PCDHA9: variants seen among roughly 807,000 people sequenced by gnomAD.
PCDHA9 encodes protocadherin alpha-9.
In PCDHA9, 62 loss-of-function variants were observed where a neutral mutation model predicts 62.0. That is an observed-to-expected ratio of 1.00 (90% CI 0.81 to 1.23). The LOEUF (loss-of-function observed/expected upper bound fraction) is 1.23, where lower values mean the gene tolerates loss of function less well. Ranked by LOEUF, PCDHA9 falls within the 50% of genes most tolerant of loss-of-function variation. The pLI is 0.00. For synonymous variants in PCDHA9, 557 were observed against 567.6 expected (o/e 0.98, Z 0.27); for missense variants, 1,205 against 1,249.8 (o/e 0.96, Z 0.54).
intron 1 of PCDHA9, chr5:140,857,354 G>T (rs1449369579): frequency 6.3e-7 from 1 of 1,598,378 alleles, no homozygotes. Context: ...TCCGCTGTGG[G>T]CCACGGCCAG....
chr5:140,982,678 C>T (rs781968397), intron 3 of PCDHA9, 115 bp downstream of exon 3: 29 of 1,438,778 alleles, frequency 2.0e-5, no homozygotes, highest in Non-Finnish European at 2.6e-5. Context: ...TTTGTTATTC[C>T]CTTTTTTCCA....
At chr5:140,974,009 A>C (rs1554235749) in intron 1 of PCDHA9, among the ~76,000 whole-genome samples, 2 of 152,236 alleles carry the variant, frequency 1.3e-5, no homozygotes, top group African/African-American at 4.8e-5. Flanking sequence ...TGTTTTGTGC[A>C]TGTGATAATA....
chr5:140,945,614 A>G lies in PCDHA9; in HGVS notation c.2395-33335A>G, dbSNP rs2093816394. Among the ~76,000 whole-genome samples the G allele has an allele frequency of 2.0e-5, 3 of 152,278 alleles. No homozygotes were observed. The South Asian group carries it at 6.2e-4, about 32-fold the overall frequency. ...TCAAAGCTATAATAATCAAAACAGC[A>G]TGGTACTGGCATAAAAGACATGTAG... On this transcript the variant is annotated intron_variant, in intron 1 of 3. Coordinates refer to ENST00000532602, the MANE Select transcript of PCDHA9 (RefSeq NM_031857.2).
chr5:140,899,848 C>T (rs2067590475), intron 1 of PCDHA9, among the ~76,000 whole-genome samples: 1 of 152,178 alleles, frequency 6.6e-6, no homozygotes, highest in Non-Finnish European at 1.5e-5. Flanking sequence ...TGCTGTGTCA[C>T]CCAGGCTGGA....
chr5:140,850,189 T>C lies in PCDHA9; in HGVS notation c.1694T>C (p.Leu565Pro). ...GACGAGAACGACAATGCGCCGGCGC[T>C]GCTGACACCTCGGATGAGGGGCACT... ...VLDENDNAPA[L>P]LTPRMRGTDG... The change falls in exon 1 of 4, where the codon CTG (leucine) becomes CCG (proline). Residue 565 changes from leucine (L) to proline (P), a missense_variant. By Grantham distance (98) the Leu-to-Pro change is moderately conservative (BLOSUM62 -3). This residue lies in a region of PCDHA9 where 887 missense variants were observed against 809.5 expected (regional missense o/e 1.10). Coordinates refer to ENST00000532602, the MANE Select transcript of PCDHA9 (RefSeq NM_031857.2). The C allele has an allele frequency of 6.3e-7, 1 of 1,593,496 alleles. No individual in the cohort carries two copies. The highest frequency in any genetic ancestry group is 1.1e-5 in the South Asian group (1 of 90,430).
At position 140,927,270 on chromosome 5, in the gene PCDHA9, C is replaced by T. The variant is rs541200655; in HGVS notation, c.2395-51679C>T. 5 of 1,614,150 alleles carry T rather than the reference C, an allele frequency of 3.1e-6. No individual in the cohort carries two copies. The South Asian group carries it at 3.3e-5, about 11-fold the overall frequency. ...ATGACAACTCACCTCTCTTTCCTGCCGGCGACGTGCAGCTGCACATCCCCG... is the reference window on the plus strand; with the variant it reads ...ATGACAACTCACCTCTCTTTCCTGCTGGCGACGTGCAGCTGCACATCCCCG... On this transcript the variant is annotated intron_variant, in intron 1 of 3. Transcript: ENST00000532602.
intron 1 of PCDHA9, among the ~76,000 whole-genome samples, chr5:140,888,878 T>G (rs1280508372): frequency 6.6e-6 from 1 of 152,132 alleles, no homozygotes; most frequent in African/African-American, 2.4e-5. Flanking sequence ...ACATAAAAAT[T>G]AAAACATTAG....
chr5:140,883,777 G>T, intron 1 of PCDHA9: 3 of 1,612,364 alleles, frequency 1.9e-6, no homozygotes, highest in Non-Finnish European at 1.7e-6. Flanking sequence ...GCGAGCGTGC[G>T]CTGTCGAGCT....
At chr5:141,000,993 C>A (rs1273666357) in intron 3 of PCDHA9, among the ~76,000 whole-genome samples, 1 of 151,964 alleles carries the variant, frequency 6.6e-6, no homozygotes, top group Non-Finnish European at 1.5e-5. Context: ...AATAAATATG[C>A]TTTAAATATG....
At chr5:140,875,922 T>A (rs1554168077) in intron 1 of PCDHA9, 1 of 1,614,200 alleles carries the variant, frequency 6.2e-7, no homozygotes, top group Admixed American at 1.7e-5. Flanking sequence ...CTCTGGACTC[T>A]CATTTTCCTC....
At chr5:140,869,703 G>A in intron 1 of PCDHA9, 1 of 1,613,428 alleles carries the variant, frequency 6.2e-7, no homozygotes, top group Non-Finnish European at 8.5e-7. Context: ...AGAAGTCTCT[G>A]GATAGAGAGA....
rs782628181 is a variant in PCDHA9, at chr5:140,850,474, C to G, written c.1979C>G (p.Thr660Arg). 1.3e-6 allele frequency: 2 copies of G among 1,597,756 alleles called. 1 individual carries two copies. The highest frequency in any genetic ancestry group is 1.7e-6 in the Non-Finnish European group (2 of 1,167,580). Residue 660 changes from threonine (T) to arginine (R), a missense_variant, in exon 1 of 4, where the codon ACG becomes AGG. This residue lies in a region of PCDHA9 where 887 missense variants were observed against 809.5 expected (regional missense o/e 1.10). Coordinates refer to ENST00000532602, the MANE Select transcript of PCDHA9 (RefSeq NM_031857.2). Reference protein sequence around the residue: ...LVKDHGEPALTATATVLVSLV... With the variant: ...LVKDHGEPALRATATVLVSLV... ...AAAGACCACGGGGAGCCAGCGCTGA[C>G]GGCCACGGCCACTGTGCTGGTGTCG...
At chr5:140,882,991 AT>A (rs1554176407) in intron 1 of PCDHA9, 2 of 1,614,112 alleles carry the variant, frequency 1.2e-6, no homozygotes, top group Non-Finnish European at 1.7e-6. Flanking sequence ...ACGCCCCGGA[AT>A]TTTACCAATC....
Position 140,848,787 on chromosome 5 carries a change from C to T in PCDHA9, c.292C>T (p.Arg98Trp). The change falls in exon 1 of 4, where the codon CGG (arginine) becomes TGG (tryptophan). Residue 98 changes from arginine (R) to tryptophan (W), a missense_variant. By Grantham distance (101) the Arg-to-Trp change is moderately radical (BLOSUM62 -3). Coordinates refer to ENST00000532602, the MANE Select transcript of PCDHA9 (RefSeq NM_031857.2). ...GATCGACCGCGAGGAGCTGTGCGGG[C>T]GGAGCGCGGAGTGCAGCATCCACCT... ...SRIDREELCG[R>W]SAECSIHLEV... is the part of the protein sequence containing the mutation. 1.3e-6 allele frequency: 2 copies of T among 1,592,990 alleles called. No individual in the cohort carries two copies. The highest frequency in any genetic ancestry group is 1.7e-6 in the Non-Finnish European group (2 of 1,163,894).
chr5:140,979,102 C>T (rs1263848262), intron 2 of PCDHA9, 95 bp downstream of exon 2: 1 of 1,541,684 alleles, frequency 6.5e-7, no homozygotes, highest in Non-Finnish European at 8.7e-7. Flanking sequence ...GCTGTCAAAA[C>T]TAAAAAGCTT....
intron 3 of PCDHA9, among the ~76,000 whole-genome samples, chr5:141,006,373 G>A (rs550999366): frequency 1.1e-4 from 17 of 151,910 alleles, no homozygotes; most frequent in African/African-American, 3.1e-4. Context: ...CACCACGCCC[G>A]GCTAAGTTTT....
At chr5:140,926,583 G>C in intron 1 of PCDHA9, 1 of 279,462 alleles carries the variant, frequency 3.6e-6, no homozygotes, top group Non-Finnish European at 6.6e-6. Context: ...AGCACCTCTC[G>C]CGCCCGGGCG....
chr5:140,875,218 C>T (rs2055357705), intron 1 of PCDHA9: 1 of 744,910 alleles, frequency 1.3e-6, no homozygotes, highest in South Asian at 3.4e-5. Flanking sequence ...CGAAAAGAAC[C>T]TCAGGATCTT....
At chr5:141,007,759 T>C (rs1392582275) in intron 3 of PCDHA9, among the ~76,000 whole-genome samples, 6 of 152,312 alleles carry the variant, frequency 3.9e-5, no homozygotes, top group Middle Eastern at 3.4e-3. Flanking sequence ...TGGACTCTTA[T>C]TGGCCTGGAA....
Sources: gnomAD v4.1 joint callset for allele counts (sites outside exome capture counted in the v4.1 genomes callset) on GRCh38, gnomAD v4.1.1 for gene constraint, gnomAD v4.1.1 regional missense constraint, MANE v1.5 for transcripts, NCBI Gene and HGNC (gene_info 2026-07-23, HGNC 2026-07-21) for gene names.